Variants in OR13A1 observed in about 807,000 individuals in gnomAD.
The protein encoded by OR13A1 is olfactory receptor 13A1.
In OR13A1, 10 loss-of-function variants were observed where a neutral mutation model predicts 7.5. The observed-to-expected ratio is 1.34, with a 90% CI of 0.83 to 2.27. The LOEUF (loss-of-function observed/expected upper bound fraction) is 2.27. Ranked by LOEUF, OR13A1 falls within the 30% of genes most tolerant of loss-of-function variation. The pLI, the probability that OR13A1 is intolerant of heterozygous loss-of-function variation, is 0.00. For missense variants in OR13A1, 509 were observed against 419.1 expected, an observed-to-expected ratio of 1.21 and a Z score of -1.87; for synonymous variants, 238 against 177.9, an observed-to-expected ratio of 1.34 and a Z score of -2.69.
chr10:45,311,437 A>G (rs1838444065), intron 1 of OR13A1, among the ~76,000 whole-genome samples: 1 of 152,184 alleles, frequency 6.6e-6, no homozygotes, highest in East Asian at 1.9e-4. Context: ...CAAAAGAGCT[A>G]AGAAAGGCTT....
intron 1 of OR13A1, among the ~76,000 whole-genome samples, chr10:45,310,874 T>A (rs1362933968): frequency 6.6e-6 from 1 of 152,122 alleles, no homozygotes; most frequent in African/African-American, 2.4e-5. Context: ...GGACATGAAT[T>A]AAAGAGTTAT....
chr10:45,305,058 C>T (rs1219418981), intron 3 of OR13A1, among the ~76,000 whole-genome samples: 1 of 151,936 alleles, frequency 6.6e-6, no homozygotes, highest in Non-Finnish European at 1.5e-5. Context: ...TGGTGAAACC[C>T]CATTCTCTAC....
At chr10:45,313,659 G>C (rs1374723532) in intron 1 of OR13A1, among the ~76,000 whole-genome samples, 1 of 151,872 alleles carries the variant, frequency 6.6e-6, no homozygotes, top group Non-Finnish European at 1.5e-5. Flanking sequence ...GTCAAAAATA[G>C]TCACAAGACA....
rs17157674 is a variant in OR13A1 at position 45,304,003 on chromosome 10, C to T, written c.420G>A (p.Arg140=). The change falls in exon 4 of 4, where the codon CGG becomes CGA. Residue 140 remains arginine (R), a synonymous_variant. Coordinates refer to ENST00000553795, the MANE Select transcript of OR13A1 (RefSeq NM_001004297.3). ...GCAGCGGGTGGCAGATGGCTGCGTA[C>T]CGGTCATAGGCCATGACCGTGAGGA... ...LLLLTVMAYD[R]YAAICHPLHY... is the part of the protein sequence containing the mutation. The T allele has an allele frequency of 1.3e-3, 2,101 of 1,612,348 alleles. 23 individuals are homozygous for T. The African/African-American group carries it at 0.021, about 16-fold the overall frequency.
intron 3 of OR13A1, among the ~76,000 whole-genome samples, chr10:45,307,091 C>A (rs1009097429): frequency 3.3e-5 from 5 of 152,182 alleles, no homozygotes; most frequent in African/African-American, 1.2e-4. Flanking sequence ...CACCAGATTT[C>A]TCCAGCCATC....
Position 45,304,071 on chromosome 10 carries a change from G to A in OR13A1, c.352C>T (p.Gln118Ter), listed in dbSNP as rs1838273017. 2 of 1,613,920 alleles carry A rather than the reference G, an allele frequency of 1.2e-6. No homozygotes were observed. Among genetic ancestry groups the A allele is most frequent in the Non-Finnish European group, 1.7e-6 (2 of 1,179,884 alleles). The stretch of plus-strand genomic sequence containing the variant: ...GCAGCCCACGTGAGGAAATAGAGCT[G>A]GGCCATGCAGCCCCCGTAGGAGATG... ...SSISYGGCMA[Q>*]LYFLTWAASS... is the part of the protein sequence containing the mutation. Residue 118 changes from glutamine (Q) to a stop codon, truncating the protein, a stop_gained, in exon 4 of 4, where the codon CAG becomes TAG. Transcript: ENST00000553795. LOFTEE classifies it high-confidence loss of function.
At chr10:45,309,972 C>T (rs533790808) in intron 1 of OR13A1, among the ~76,000 whole-genome samples, 12 of 152,168 alleles carry the variant, frequency 7.9e-5, no homozygotes, top group South Asian at 6.2e-4. Flanking sequence ...AGAATTTTTG[C>T]GGGGACTAAA....
Position 45,303,870 on chromosome 10 carries a change from C to G in OR13A1, c.553G>C (p.Asp185His). 1 of 1,612,990 alleles carries G rather than the reference C, an allele frequency of 6.2e-7. No individual in the cohort carries two copies. The highest frequency in any genetic ancestry group is 8.5e-7 in the Non-Finnish European group (1 of 1,180,036). Residue 185 changes from aspartate (D) to histidine (H), a missense_variant, in exon 4 of 4, where the codon GAT (aspartate) becomes CAT (histidine). Asp to His is a moderately conservative substitution (Grantham distance 81). Coordinates refer to ENST00000553795, the MANE Select transcript of OR13A1 (RefSeq NM_001004297.3). The part of the protein sequence containing the change: ...AIHTGLMLRL[D>H]FCGPNVIIHF... ...ATAATGACATTGGGGCCACAGAAAT[C>G]CAAGCGCAGCATCAGCCCCGTGTGG...
rs1838271483 is a variant in OR13A1 at position 45,304,040 on chromosome 10, G to C, written c.383C>G (p.Ser128Ter). 6.2e-7 allele frequency: 1 copy of C among 1,613,302 alleles called. No individual in the cohort carries two copies. The highest frequency in any genetic ancestry group is 8.5e-7 in the Non-Finnish European group (1 of 1,179,546). The change falls in exon 4 of 4, where the codon TCA (serine) becomes TGA (stop). Residue 128 changes from serine to a stop codon, truncating the protein, a stop_gained. Transcript: ENST00000553795. LOFTEE classifies it high-confidence loss of function. ...CATGACCGTGAGGAGCAGCAGCTCTGAGGATGCAGCCCACGTGAGGAAATA... is the reference window on the plus strand; with the variant it reads ...CATGACCGTGAGGAGCAGCAGCTCTCAGGATGCAGCCCACGTGAGGAAATA... ...QLYFLTWAAS[S>*]ELLLLTVMAY...
At chr10:45,311,103 G>T (rs2133045869) in intron 1 of OR13A1, among the ~76,000 whole-genome samples, 1 of 152,332 alleles carries the variant, frequency 6.6e-6, no homozygotes, top group Non-Finnish European at 1.5e-5. Flanking sequence ...GTCATGAGGA[G>T]TCCTGCCTGG....
chr10:45,305,323 T>A (rs1161139113), intron 3 of OR13A1, among the ~76,000 whole-genome samples: 1 of 151,848 alleles, frequency 6.6e-6, no homozygotes, highest in Non-Finnish European at 1.5e-5. Context: ...AAAAAAAAAT[T>A]AAAAAAGCAG....
intron 3 of OR13A1, among the ~76,000 whole-genome samples, chr10:45,307,049 C>T (rs1358141208): frequency 6.6e-6 from 1 of 152,200 alleles, no homozygotes; most frequent in Admixed American, 6.5e-5. Context: ...TTCTGCACTT[C>T]CGACTCATGT....
Position 45,304,116 on chromosome 10 carries a change from G to GA in OR13A1, c.306dup (p.Leu103SerfsTer37), listed in dbSNP as rs1301080366. 2 of 1,614,076 alleles carry GA rather than the reference G, an allele frequency of 1.2e-6. No individual in the cohort carries two copies. ...GAGATGGAGCTCTCTTCCGACACCA[G>GA]ACTGGCCAGCGCCTTGGGCATGATG... is the stretch of plus-strand genomic sequence containing the variant. On this transcript the variant is annotated frameshift_variant, in exon 4 of 4. Transcript: ENST00000553795. LOFTEE classifies it high-confidence loss of function.
intron 3 of OR13A1, among the ~76,000 whole-genome samples, chr10:45,305,047 A>G (rs1339793116): frequency 6.6e-6 from 1 of 152,126 alleles, no homozygotes; most frequent in African/African-American, 2.4e-5. Flanking sequence ...CCTGTCCAAA[A>G]TGGTGAAACC....
intron 1 of OR13A1, among the ~76,000 whole-genome samples, chr10:45,310,096 C>A (rs767459918): frequency 1.3e-5 from 2 of 152,140 alleles, no homozygotes; most frequent in Non-Finnish European, 1.5e-5. Flanking sequence ...TAAGCCCAAG[C>A]AGATTACCTT....
Position 45,303,655 on chromosome 10 carries a change from G to A in OR13A1, c.768C>T (p.Phe256=). ...VKTAWGRQKA[F]STCSSHLTVV... is the part of the protein sequence containing the mutation. Reference sequence around the variant, plus strand: ...CGGTGAGGTGGGAAGAGCAGGTGGAGAAGGCTTTCTGCCTCCCCCAGGCAG... The same window carrying A: ...CGGTGAGGTGGGAAGAGCAGGTGGAAAAGGCTTTCTGCCTCCCCCAGGCAG... Residue 256 remains phenylalanine (F), a synonymous_variant, in exon 4 of 4, where the codon TTC becomes TTT. Transcript: ENST00000553795. 1 of 1,614,214 alleles carries A rather than the reference G, an allele frequency of 6.2e-7. No homozygotes were observed. The highest frequency in any genetic ancestry group is 2.2e-5 in the East Asian group (1 of 44,882).
chr10:45,311,811 G>A (rs72784585), intron 1 of OR13A1, among the ~76,000 whole-genome samples: 1 of 152,004 alleles, frequency 6.6e-6, no homozygotes, highest in Non-Finnish European at 1.5e-5. Flanking sequence ...ACCTGCACAT[G>A]TACCTCTGAA....
intron 3 of OR13A1, among the ~76,000 whole-genome samples, chr10:45,305,321 A>AT (rs1838306187): frequency 3.3e-5 from 5 of 152,270 alleles, no homozygotes; most frequent in African/African-American, 1.2e-4. Flanking sequence ...TAAAAAAAAA[A>AT]TTAAAAAAGC....
At chr10:45,312,813 T>C (rs915080436) in intron 1 of OR13A1, among the ~76,000 whole-genome samples, 8 of 152,242 alleles carry the variant, frequency 5.3e-5, no homozygotes, top group Non-Finnish European at 1.2e-4. Flanking sequence ...AAAAATATTA[T>C]ATCCAGCAAA....
Sources: gnomAD v4.1 joint callset for allele counts (sites outside exome capture counted in the v4.1 genomes callset) on GRCh38, gnomAD v4.1.1 for gene constraint, MANE v1.5 for transcripts, NCBI Gene and HGNC (gene_info 2026-07-23, HGNC 2026-07-21) for gene names.